The following DNAJC13 variants were observed in gnomAD, a reference collection of about 807,000 sequenced individuals.
DNAJC13 encodes the protein dnaJ homolog subfamily C member 13.
DNAJC13 carries 75 observed loss-of-function variants against 290.5 expected under a neutral mutation model. That is an observed-to-expected ratio of 0.26 (90% CI 0.21 to 0.31). The LOEUF is 0.31. DNAJC13 is among the 10% of genes least tolerant of loss of function. DNAJC13 has a pLI of 1.00. For synonymous variants in DNAJC13, 862 were observed against 892.0 expected, an observed-to-expected ratio of 0.97 and a Z score of 0.60; for missense variants, 2,260 against 2,674.5, an observed-to-expected ratio of 0.85 and a Z score of 3.42.
In DNAJC13 at chr3:132,488,357, C is replaced by G; in HGVS notation, c.3327C>G (p.Ile1109Met). 6.2e-7 allele frequency: 1 copy of G among 1,613,592 alleles called. No homozygotes were observed. The highest frequency in any genetic ancestry group is 8.5e-7 in the Non-Finnish European group (1 of 1,179,722). ...VEKVAILLYH[I>M]MQDNPQLPRL... ...AGGTTGCTATTTTGTTATACCATAT[C>G]ATGCAAGATAACCCACAGTTACCCC... The change falls in exon 30 of 56, where the codon ATC (isoleucine) becomes ATG (methionine). Residue 1109 changes from isoleucine (I) to methionine (M), a missense_variant. Ile to Met is a conservative substitution (Grantham distance 10). Coordinates refer to ENST00000260818, the MANE Select transcript of DNAJC13 (RefSeq NM_015268.4).
intron 51 of DNAJC13, among the ~76,000 whole-genome samples, chr3:132,525,083 G>A (rs549093087): frequency 6.6e-6 from 1 of 152,174 alleles, no homozygotes; most frequent in Non-Finnish European, 1.5e-5. Flanking sequence ...GCTCACGCCT[G>A]TAATACCAGC....
At chr3:132,429,369 G>GT (rs1167809571) in intron 1 of DNAJC13, among the ~76,000 whole-genome samples, 6 of 152,042 alleles carry the variant, frequency 3.9e-5, no homozygotes, top group Admixed American at 1.3e-4. Context: ...GGGTGTAGAA[G>GT]TTAAGGAGGT....
intron 33 of DNAJC13, 25 bp from the exon 34 acceptor site, chr3:132,494,119 T>C: frequency 2.0e-6 from 3 of 1,467,638 alleles, no homozygotes; most frequent in South Asian, 1.2e-5. Context: ...TACTTTGATA[T>C]AAATTTTAAT....
At chr3:132,509,676 C>A (rs911391418) in intron 43 of DNAJC13, among the ~76,000 whole-genome samples, 1 of 152,132 alleles carries the variant, frequency 6.6e-6, no homozygotes, top group African/African-American at 2.4e-5. Context: ...TGGGAAGCCA[C>A]CCCAACCTTC....
rs770715465 is a variant in DNAJC13, at chr3:132,526,244, G to T, written c.6344G>T (p.Arg2115Leu). The stretch of plus-strand genomic sequence containing the variant: ...GGTCTAGCCTGTGAAGCAATTAATC[G>T]AATGTTTCAGAAGGAGCAGAGTGAA... ...TVGLACEAINRMFQKEQSELV... is the reference protein window; with the variant it reads ...TVGLACEAINLMFQKEQSELV... Residue 2115 changes from arginine (R) to leucine (L), a missense_variant, in exon 53 of 56, where the codon CGA (arginine) becomes CTA (leucine). Arg to Leu is a moderately radical substitution (Grantham distance 102). Coordinates refer to ENST00000260818, the MANE Select transcript of DNAJC13 (RefSeq NM_015268.4). 2.5e-6 allele frequency: 4 copies of T among 1,613,906 alleles called. No homozygotes were observed. The highest frequency in any genetic ancestry group is 1.3e-5 in the African/African-American group (1 of 74,916).
chr3:132,515,736 A>G (rs566985065), intron 46 of DNAJC13, among the ~76,000 whole-genome samples: 1 of 152,300 alleles, frequency 6.6e-6, no homozygotes, highest in Admixed American at 6.5e-5. Context: ...CCTACTCTCT[A>G]TCATTAAGAC....
At chr3:132,502,211 A>G in intron 39 of DNAJC13, 78 bp from the exon 40 acceptor site, 1 of 1,337,728 alleles carries the variant, frequency 7.5e-7, no homozygotes, top group Non-Finnish European at 1.0e-6. Flanking sequence ...ACATACATGC[A>G]CAACCAGTTC....
rs1395038777 is a variant in DNAJC13 at position 132,450,648 on chromosome 3, G to A, written c.338G>A (p.Arg113Lys). Residue 113 changes from arginine to lysine, a missense_variant and splice_region_variant, in exon 6 of 56, where the codon AGA becomes AAA. This residue lies in a region of DNAJC13 where 762 missense variants were observed against 964.1 expected (regional missense o/e 0.79). Transcript: ENST00000260818. Reference sequence around the variant, plus strand: ...AAGTAATACTGATTCTGTCTTTAGAGATACAACTGCTATAAGCATCACTGG... The same window carrying A: ...AAGTAATACTGATTCTGTCTTTAGAAATACAACTGCTATAAGCATCACTGG... ...DFSEGKITGRRYNCYKHHWSD... is the reference protein window; with the variant it reads ...DFSEGKITGRKYNCYKHHWSD... 1 of 1,605,270 alleles carries A rather than the reference G, an allele frequency of 6.2e-7. No individual in the cohort carries two copies. Among genetic ancestry groups the A allele is most frequent in the African/African-American group, 1.3e-5 (1 of 74,650 alleles).
intron 1 of DNAJC13, among the ~76,000 whole-genome samples, chr3:132,419,937 C>G (rs937941399): frequency 6.6e-6 from 1 of 152,182 alleles, no homozygotes; most frequent in African/African-American, 2.4e-5. Flanking sequence ...CTACCTCTGG[C>G]TTTGGCCCTG....
intron 29 of DNAJC13, among the ~76,000 whole-genome samples, chr3:132,485,059 G>A (rs989479844): frequency 1.3e-5 from 2 of 152,128 alleles, no homozygotes; most frequent in Admixed American, 1.3e-4. Context: ...ACTCCAGCCT[G>A]GGCAACAGAG....
intron 53 of DNAJC13, among the ~76,000 whole-genome samples, chr3:132,527,916 T>C (rs1936308350): frequency 1.3e-5 from 2 of 152,216 alleles, no homozygotes; most frequent in Admixed American, 1.3e-4. Flanking sequence ...AGATACATAT[T>C]TTAATACTGC....
At chr3:132,424,237 T>G (rs2107639737) in intron 1 of DNAJC13, among the ~76,000 whole-genome samples, 1 of 152,292 alleles carries the variant, frequency 6.6e-6, no homozygotes. Flanking sequence ...AGGGTCATAG[T>G]AATACATCTT....
At chr3:132,446,619 C>T (rs1227428019) in intron 3 of DNAJC13, 69 bp downstream of exon 3, 2 of 998,930 alleles carry the variant, frequency 2.0e-6, no homozygotes, top group Admixed American at 4.8e-5. Flanking sequence ...AGGCTGTGAC[C>T]ATTACCCTCC....
chr3:132,503,083 C>T, intron 40 of DNAJC13, 131 bp from the exon 41 acceptor site: 2 of 913,538 alleles, frequency 2.2e-6, no homozygotes, highest in Non-Finnish European at 3.2e-6. Flanking sequence ...GTGGTAGGTA[C>T]TCTTGTACCC....
intron 1 of DNAJC13, among the ~76,000 whole-genome samples, chr3:132,423,408 C>A (rs1432684196): frequency 2.6e-5 from 4 of 152,166 alleles, no homozygotes; most frequent in African/African-American, 9.7e-5. Context: ...TACATTTAAA[C>A]GCTTATACAT....
intron 27 of DNAJC13, among the ~76,000 whole-genome samples, chr3:132,482,789 G>A (rs1010109753): frequency 6.6e-6 from 1 of 151,850 alleles, no homozygotes; most frequent in Admixed American, 6.6e-5. Context: ...AGTCCAGGAG[G>A]TTGAGACTGC....
intron 18 of DNAJC13, 99 bp downstream of exon 18, chr3:132,466,169 A>C: frequency 4.3e-6 from 6 of 1,405,196 alleles, no homozygotes; most frequent in Middle Eastern, 3.6e-4. Context: ...TTTTATTGAA[A>C]AGTTATTTAT....
intron 47 of DNAJC13, 73 bp downstream of exon 47, chr3:132,516,569 C>A: frequency 1.9e-6 from 3 of 1,549,302 alleles, no homozygotes; most frequent in Non-Finnish European, 2.7e-6. Flanking sequence ...CATTTTACAG[C>A]CTGATAAACT....
chr3:132,522,187 C>T (rs41491346), intron 48 of DNAJC13, among the ~76,000 whole-genome samples: 3,933 of 152,184 alleles, frequency 0.026, 196 homozygotes, highest in African/African-American at 0.089. Context: ...GAATTTGACA[C>T]GGAGAAGAGA....
Sources: allele counts gnomAD v4.1 joint callset (sites outside exome capture counted in the v4.1 genomes callset), GRCh38; gene constraint gnomAD v4.1.1; regional missense constraint gnomAD v4.1.1; transcripts MANE v1.5; gene names NCBI Gene and HGNC (gene_info 2026-07-23, HGNC 2026-07-21).